Variants in USP10 observed in about 807,000 individuals in gnomAD.
USP10 encodes the protein ubiquitin carboxyl-terminal hydrolase 10.
A neutral mutation model predicts 84.5 loss-of-function variants in USP10; 22 were observed. The ratio of observed to expected loss-of-function variants is 0.26; its 90% CI spans 0.19 to 0.37. USP10 has a LOEUF of 0.37. Among genes scored for constraint, USP10 ranks in the 10% least tolerant of loss-of-function variants. The pLI is 1.00. For missense variants in USP10, 1,019 were observed against 998.9 expected (o/e 1.02, Z -0.27); for synonymous variants, 454 against 387.6 (o/e 1.17, Z -2.01).
intron 1 of USP10, chr16:84,708,761 G>A (rs1905882540): frequency 6.6e-6 from 1 of 152,166 alleles, no homozygotes; most frequent in South Asian, 2.1e-4. Context: ...ATGCAAAATC[G>A]GGGCTTCCAA....
At chr16:84,749,596 C>G (rs746879114) in intron 4 of USP10, among the ~76,000 whole-genome samples, 1 of 151,790 alleles carries the variant, frequency 6.6e-6, no homozygotes, top group Non-Finnish European at 1.5e-5. Context: ...AAATTATACA[C>G]ACACAAAATG....
intron 1 of USP10, among the ~76,000 whole-genome samples, chr16:84,723,150 T>G (rs1469564078): frequency 6.6e-6 from 1 of 151,904 alleles, no homozygotes; most frequent in Non-Finnish European, 1.5e-5. Flanking sequence ...TCCAGGGTTT[T>G]TTTTTTTTTG....
At chr16:84,756,092 C>A (rs995979909) in intron 4 of USP10, among the ~76,000 whole-genome samples, 1 of 138,740 alleles carries the variant, frequency 7.2e-6, no homozygotes, top group Non-Finnish European at 1.6e-5. Flanking sequence ...TTCCCCACCC[C>A]CCGCCCCCCA....
At chr16:84,742,400 G>C (rs189148149) in intron 3 of USP10, among the ~76,000 whole-genome samples, 1 of 152,142 alleles carries the variant, frequency 6.6e-6, no homozygotes, top group Non-Finnish European at 1.5e-5. Context: ...TTCATTCTCA[G>C]TTGTTTGTAT....
At chr16:84,764,933 A>AGAG (rs767190510) in intron 10 of USP10, among the ~76,000 whole-genome samples, 12 of 49,070 alleles carry the variant, frequency 2.4e-4, no homozygotes, top group East Asian at 2.1e-3. Context: ...GAGAGAGAGA[A>AGAG]AAAAAAATAT....
intron 4 of USP10, among the ~76,000 whole-genome samples, chr16:84,752,763 C>T (rs1912083467): frequency 6.6e-6 from 1 of 152,126 alleles, no homozygotes; most frequent in South Asian, 2.1e-4. Context: ...TCACGAACTT[C>T]ATAAAGCGTT....
chr16:84,745,431 C>G lies in USP10; in HGVS notation c.950C>G (p.Pro317Arg). 2 of 1,613,790 alleles carry G rather than the reference C, an allele frequency of 1.2e-6. No homozygotes were observed. Among genetic ancestry groups the G allele is most frequent in the East Asian group, 2.2e-5 (1 of 44,886 alleles). The change falls in exon 4 of 14, where the codon CCC becomes CGC. Residue 317 changes from proline (P) to arginine (R), a missense_variant. Transcript: ENST00000219473. Reference protein sequence around the residue: ...TESIDLDPTKPESASPPADGT... With the variant: ...TESIDLDPTKRESASPPADGT... ...AGCATAGACTTGGACCCAACCAAAC[C>G]CGAGAGTGCATCACCTCCTGCTGAC...
chr16:84,728,163 A>G (rs1182123974), intron 1 of USP10, among the ~76,000 whole-genome samples: 1 of 152,264 alleles, frequency 6.6e-6, no homozygotes, highest in Non-Finnish European at 1.5e-5. Context: ...TGGTGAAACC[A>G]GAACATTTTA....
At chr16:84,726,464 A>G (rs147248660) in intron 1 of USP10, among the ~76,000 whole-genome samples, 62 of 152,236 alleles carry the variant, frequency 4.1e-4, no homozygotes, top group Non-Finnish European at 8.1e-4. Context: ...GGGTTTCTCA[A>G]CTCAGGCCCC....
At chr16:84,727,915 C>T (rs1908717156) in intron 1 of USP10, among the ~76,000 whole-genome samples, 1 of 152,150 alleles carries the variant, frequency 6.6e-6, no homozygotes, top group African/African-American at 2.4e-5. Context: ...GGGAGTTGAC[C>T]ATATAATGTC....
rs535391603 is a variant in USP10, at chr16:84,740,592, T to A, written c.151+223T>A. Among the ~76,000 whole-genome samples the A allele has an allele frequency of 6.6e-5, 10 of 152,370 alleles. No homozygotes were observed. In the South Asian group the frequency reaches 1.7e-3, roughly 25 times the overall value. ...AGTGCCAGCCATGTAAGATTTAGTT[T>A]AGGAAATGGTTGTTGAGTTCTTTTT... is the stretch of plus-strand genomic sequence containing the variant. On this transcript the variant is annotated intron_variant, in intron 3 of 13. Coordinates refer to ENST00000219473, the MANE Select transcript of USP10 (RefSeq NM_005153.3).
At chr16:84,773,672 G>C (rs982014464) in intron 12 of USP10, among the ~76,000 whole-genome samples, 1 of 152,152 alleles carries the variant, frequency 6.6e-6, no homozygotes, top group African/African-American at 2.4e-5. Flanking sequence ...CTCATCAGCC[G>C]ATTGCTTTTT....
At chr16:84,734,064 A>G (rs1024717165) in intron 2 of USP10, among the ~76,000 whole-genome samples, 1 of 152,204 alleles carries the variant, frequency 6.6e-6, no homozygotes, top group African/African-American at 2.4e-5. Flanking sequence ...TTCAGCCGTT[A>G]AAAATATTGC....
chr16:84,740,085 G>GTTTAATAGTGATTTAACAATTTAATA (rs1910448963), intron 2 of USP10, among the ~76,000 whole-genome samples: 3 of 152,160 alleles, frequency 2.0e-5, no homozygotes, highest in Non-Finnish European at 2.9e-5. Context: ...TTTCGGATCT[G>GTTTAATAGTGATTTAACAATTTAATA]TTTAATAGTG....
chr16:84,732,932 C>A, intron 1 of USP10: 1 of 373,254 alleles, frequency 2.7e-6, no homozygotes, highest in South Asian at 2.1e-5. Context: ...TATGGAAATG[C>A]ATTTTTAAAC....
intron 1 of USP10, among the ~76,000 whole-genome samples, chr16:84,718,315 G>T (rs1244176033): frequency 6.6e-6 from 1 of 152,198 alleles, no homozygotes; most frequent in Non-Finnish European, 1.5e-5. Flanking sequence ...GTGCAGTGGT[G>T]CAATCATGGC....
chr16:84,764,939 A>AAAAAAAAAAAATAT (rs370383030), intron 10 of USP10, among the ~76,000 whole-genome samples: 2 of 132,258 alleles, frequency 1.5e-5, no homozygotes, highest in Admixed American at 8.0e-5. Context: ...GAGAAAAAAA[A>AAAAAAAAAAAATAT]ATATATATAT....
Position 84,745,246 on chromosome 16 carries a change from C to A in USP10, c.765C>A (p.Phe255Leu). The A allele has an allele frequency of 6.2e-7, 1 of 1,613,500 alleles. No homozygotes were observed. The change falls in exon 4 of 14, where the codon TTC becomes TTA. Residue 255 changes from phenylalanine (F) to leucine (L), a missense_variant. Coordinates refer to ENST00000219473, the MANE Select transcript of USP10 (RefSeq NM_005153.3). ...GPGADFGQSC[F>L]PAEAGRDTLS... is the part of the protein sequence containing the mutation. ...GGGCTGATTTTGGTCAGTCCTGCTT[C>A]CCTGCAGAGGCTGGCAGAGACACCC...
At chr16:84,733,198 A>G in intron 1 of USP10, 1 of 582,546 alleles carries the variant, frequency 1.7e-6, no homozygotes, top group Non-Finnish European at 3.2e-6. Context: ...ATTTGTTTCA[A>G]AATAAGCTTT....
Sources: gnomAD v4.1 joint callset for allele counts (sites outside exome capture counted in the v4.1 genomes callset) on GRCh38, gnomAD v4.1.1 for gene constraint, MANE v1.5 for transcripts, NCBI Gene and HGNC (gene_info 2026-07-23, HGNC 2026-07-21) for gene names.